Variants in NDUFA5 observed in about 807,000 individuals in gnomAD.
The protein encoded by NDUFA5 is NADH dehydrogenase [ubiquinone] 1 alpha subcomplex subunit 5.
Under a neutral mutation model 19.8 loss-of-function variants are expected in NDUFA5, and 11 were observed. The observed-to-expected ratio is 0.56, with a 90% CI of 0.35 to 0.92. The LOEUF (loss-of-function observed/expected upper bound fraction) is 0.92. Ranked by LOEUF, NDUFA5 falls within the 40% of genes least tolerant of loss-of-function variation. The probability of loss-of-function intolerance (pLI) is 0.01; values close to 1 mark genes in which losing one functional copy is unlikely to be tolerated. For missense variants in NDUFA5, 109 were observed against 134.2 expected, an observed-to-expected ratio of 0.81 and a Z score of 0.93; for synonymous variants, 47 against 46.8, an observed-to-expected ratio of 1.00 and a Z score of -0.01.
the NDUFA5 span, among the ~76,000 whole-genome samples, chr7:123,600,121 C>T: frequency 6.6e-6 from 1 of 152,110 alleles, no homozygotes; most frequent in African/African-American, 2.4e-5. Context: ...GTGCCATGGT[C>T]ATTGTATCAT....
intron 2 of NDUFA5, among the ~76,000 whole-genome samples, chr7:123,552,910 G>C (rs929393217): frequency 3.3e-5 from 5 of 152,142 alleles, no homozygotes. Context: ...GCAAGCCTTT[G>C]CTACTTGCAT....
intron 2 of NDUFA5, chr7:123,556,602 T>C (rs971396892): frequency 8.6e-5 from 21 of 245,268 alleles, no homozygotes; most frequent in African/African-American, 5.2e-4. Context: ...AAGTGTCAAA[T>C]GTGTCAAAAA....
chr7:123,583,107 T>C, the NDUFA5 span, among the ~76,000 whole-genome samples: 1 of 151,982 alleles, frequency 6.6e-6, no homozygotes, highest in Non-Finnish European at 1.5e-5. Context: ...GATAACATTG[T>C]AGACCTAGGT....
At chr7:123,545,847 G>T (rs1798113175) in intron 3 of NDUFA5, 171 bp from the exon 4 acceptor site, 1 of 531,742 alleles carries the variant, frequency 1.9e-6, no homozygotes, top group Non-Finnish European at 3.3e-6. Context: ...CTATTTCATT[G>T]CTTTTCTGTC....
the NDUFA5 span, among the ~76,000 whole-genome samples, chr7:123,586,898 G>A: frequency 6.6e-6 from 1 of 151,552 alleles, no homozygotes; most frequent in South Asian, 2.1e-4. Flanking sequence ...GCTCTCTTTT[G>A]ATGTGTCTGT....
the NDUFA5 span, among the ~76,000 whole-genome samples, chr7:123,574,208 CT>C: frequency 3.9e-4 from 56 of 142,388 alleles, no homozygotes; most frequent in East Asian, 3.9e-3. Flanking sequence ...CTTTTTTTTT[CT>C]TTTTTTTTTT....
At chr7:123,599,168 T>C in the NDUFA5 span, among the ~76,000 whole-genome samples, 1 of 151,702 alleles carries the variant, frequency 6.6e-6, no homozygotes, top group Non-Finnish European at 1.5e-5. Flanking sequence ...TATACCAAAG[T>C]GAAAATGAAG....
At chr7:123,547,519 A>G (rs1798179081) in intron 3 of NDUFA5, among the ~76,000 whole-genome samples, 1 of 152,162 alleles carries the variant, frequency 6.6e-6, no homozygotes, top group African/African-American at 2.4e-5. Flanking sequence ...GGCATTCAAT[A>G]AATGTTTCTT....
At chr7:123,547,685 G>A (rs992755104) in intron 3 of NDUFA5, among the ~76,000 whole-genome samples, 1 of 152,130 alleles carries the variant, frequency 6.6e-6, no homozygotes, top group Non-Finnish European at 1.5e-5. Context: ...TGTTATAAGA[G>A]ACTCAGGAGA....
At chr7:123,550,297 T>C in intron 3 of NDUFA5, 173 bp downstream of exon 3, 2 of 550,096 alleles carry the variant, frequency 3.6e-6, no homozygotes, top group South Asian at 4.1e-5. Flanking sequence ...GAGGCCTGCA[T>C]ATAGAAAACA....
chr7:123,582,825 G>A, the NDUFA5 span, among the ~76,000 whole-genome samples: 1 of 151,776 alleles, frequency 6.6e-6, no homozygotes, highest in Non-Finnish European at 1.5e-5. Context: ...CATTGCACCA[G>A]GCACATAGTA....
intron 2 of NDUFA5, among the ~76,000 whole-genome samples, chr7:123,554,346 C>G (rs1288909393): frequency 6.6e-6 from 1 of 151,992 alleles, no homozygotes; most frequent in Non-Finnish European, 1.5e-5. Flanking sequence ...ACATTTAAGG[C>G]TCGCATTATG....
chr7:123,569,838 A>C, the NDUFA5 span, among the ~76,000 whole-genome samples: 2 of 152,200 alleles, frequency 1.3e-5, no homozygotes, highest in African/African-American at 4.8e-5. Context: ...TTCTTTGGCA[A>C]GTTACAAAAA....
the NDUFA5 span, among the ~76,000 whole-genome samples, chr7:123,569,305 A>G: frequency 1.3e-5 from 2 of 152,218 alleles, no homozygotes; most frequent in Non-Finnish European, 2.9e-5. Flanking sequence ...GGGAAGAAAC[A>G]TAACAACCAA....
chr7:123,541,999 T>C lies in NDUFA5; in HGVS notation c.*120A>G. Reference sequence around the variant, plus strand: ...ATAATCACCAATTTTAACAGTCTCCTACATATTTTCTATATCACTTTTCTT... The same window carrying C: ...ATAATCACCAATTTTAACAGTCTCCCACATATTTTCTATATCACTTTTCTT... On this transcript the variant is annotated 3_prime_UTR_variant, in exon 5 of 5. Coordinates refer to ENST00000355749, the MANE Select transcript of NDUFA5 (RefSeq NM_005000.5). 1 of 611,410 alleles carries C rather than the reference T, an allele frequency of 1.6e-6. No individual in the cohort carries two copies. Among genetic ancestry groups the C allele is most frequent in the Non-Finnish European group, 2.6e-6 (1 of 383,438 alleles). The allele number at this position is 611,410 out of a possible 1,614,324, so 37.9% of individuals were successfully genotyped here.
At chr7:123,556,187 G>A (rs1798532580) in intron 2 of NDUFA5, 1 of 152,208 alleles carries the variant, frequency 6.6e-6, no homozygotes. Flanking sequence ...GCCATTAATT[G>A]AGATGAGCAA....
upstream of NDUFA5, among the ~76,000 whole-genome samples, chr7:123,561,040 G>T (rs1173899809): frequency 1.3e-5 from 2 of 152,142 alleles, no homozygotes; most frequent in Non-Finnish European, 2.9e-5. Flanking sequence ...AAATACTAAA[G>T]ATCTAAATAA....
intron 2 of NDUFA5, among the ~76,000 whole-genome samples, chr7:123,550,933 T>C (rs929448451): frequency 2.0e-5 from 3 of 152,230 alleles, no homozygotes; most frequent in Non-Finnish European, 2.9e-5. Context: ...TTTTTCTTTC[T>C]TTCTTTCTTT....
chr7:123,574,937 A>G, the NDUFA5 span, among the ~76,000 whole-genome samples: 1 of 142,620 alleles, frequency 7.0e-6, no homozygotes, highest in East Asian at 2.1e-4. Flanking sequence ...GGCTGTATTT[A>G]AGACACATAG....
Sources: gnomAD v4.1 joint callset for allele counts (sites outside exome capture counted in the v4.1 genomes callset) on GRCh38, gnomAD v4.1.1 for gene constraint, MANE v1.5 for transcripts, NCBI Gene and HGNC (gene_info 2026-07-23, HGNC 2026-07-21) for gene names.